The following RPTOR variants were observed in gnomAD, a reference collection of about 807,000 sequenced individuals.
RPTOR encodes regulatory associated protein of MTOR complex 1, also known as regulatory-associated protein of mTOR.
Under a neutral mutation model 169.9 loss-of-function variants are expected in RPTOR, and 21 were observed. That is an observed-to-expected ratio of 0.12 (90% CI 0.09 to 0.18). RPTOR has a LOEUF of 0.18. RPTOR is among the 10% of genes least tolerant of loss of function. The pLI is 1.00. For missense variants in RPTOR, 1,133 were observed against 1,855.9 expected (o/e 0.61, Z 7.16); for synonymous variants, 732 against 753.2 (o/e 0.97, Z 0.46).
intron 5 of RPTOR, among the ~76,000 whole-genome samples, chr17:80,731,232 A>G (rs547803766): frequency 6.6e-6 from 1 of 152,156 alleles, no homozygotes; most frequent in Non-Finnish European, 1.5e-5. Flanking sequence ...GTCATTTTTA[A>G]TCCAAACATT....
At chr17:80,738,103 G>A (rs555996636) in intron 5 of RPTOR, among the ~76,000 whole-genome samples, 1 of 152,326 alleles carries the variant, frequency 6.6e-6, no homozygotes, top group South Asian at 2.1e-4. Flanking sequence ...AGAAATGGGG[G>A]GAAACACAGG....
At chr17:80,938,885 G>A (rs2068987983) in intron 24 of RPTOR, among the ~76,000 whole-genome samples, 1 of 152,210 alleles carries the variant, frequency 6.6e-6, no homozygotes, top group South Asian at 2.1e-4. Flanking sequence ...TGCTCTGTAA[G>A]CATTTGCACA....
chr17:80,769,330 A>G (rs1488753562), intron 6 of RPTOR, among the ~76,000 whole-genome samples: 1 of 152,236 alleles, frequency 6.6e-6, no homozygotes, highest in Non-Finnish European at 1.5e-5. Flanking sequence ...TACATAGAAC[A>G]ATTTAAACTG....
In RPTOR at chr17:80,750,311, C is replaced by T. The variant is rs139555842; in HGVS notation, c.655-3699C>T. Among the ~76,000 whole-genome samples, 227 of 152,336 alleles carry T rather than the reference C, an allele frequency of 1.5e-3. 2 individuals are homozygous for T. Among genetic ancestry groups the T allele is most frequent in the African/African-American group, 5.4e-3 (224 of 41,568 alleles). On this transcript the variant is annotated intron_variant, in intron 5 of 33. Coordinates refer to ENST00000306801, the MANE Select transcript of RPTOR (RefSeq NM_020761.3). ...TTAAAGTTGTTTCCTTTTTAATCCTCTGCCAGCCATTCTTACGTGGCCAGT... is the reference window on the plus strand; with the variant it reads ...TTAAAGTTGTTTCCTTTTTAATCCTTTGCCAGCCATTCTTACGTGGCCAGT...
chr17:80,826,611 C>T (rs1477092414), intron 9 of RPTOR, among the ~76,000 whole-genome samples: 1 of 152,250 alleles, frequency 6.6e-6, no homozygotes, highest in Non-Finnish European at 1.5e-5. Flanking sequence ...AGGGAAGCAC[C>T]GCCCTGGCCT....
chr17:80,912,057 C>T (rs1044172066), intron 21 of RPTOR, among the ~76,000 whole-genome samples: 1 of 152,160 alleles, frequency 6.6e-6, no homozygotes, highest in Admixed American at 6.5e-5. Context: ...CTTACCACTG[C>T]CCTTTTAGAC....
chr17:80,765,560 C>CT (rs2066777881), intron 6 of RPTOR, among the ~76,000 whole-genome samples: 1 of 152,178 alleles, frequency 6.6e-6, no homozygotes, highest in South Asian at 2.1e-4. Flanking sequence ...GTTAGTGCTG[C>CT]TTTCAGGATG....
At position 80,901,065 on chromosome 17, in the gene RPTOR, C is replaced by G. The variant is rs918827464; in HGVS notation, c.2401+7200C>G. 3.9e-5 allele frequency among the ~76,000 whole-genome samples: 6 copies of G among 152,344 alleles called. No homozygotes were observed. The East Asian group carries it at 1.2e-3, about 29-fold the overall frequency. On this transcript the variant is annotated intron_variant, in intron 20 of 33. Coordinates refer to ENST00000306801, the MANE Select transcript of RPTOR (RefSeq NM_020761.3). ...TGCTGTTTGCTGTGCGCGTGCCATG[C>G]CTGAGGCCCTGGGTGCTGTCCACAG...
At chr17:80,781,553 TA>T (rs975055301) in intron 6 of RPTOR, among the ~76,000 whole-genome samples, 10 of 152,196 alleles carry the variant, frequency 6.6e-5, no homozygotes, top group Non-Finnish European at 1.2e-4. Context: ...TGGATATTTT[TA>T]AGAGTACATT....
intron 6 of RPTOR, among the ~76,000 whole-genome samples, chr17:80,786,425 C>G (rs1373357513): frequency 6.6e-6 from 1 of 152,020 alleles, no homozygotes; most frequent in Non-Finnish European, 1.5e-5. Flanking sequence ...GACAAGGTTA[C>G]CGAGCTGAAC....
Position 80,846,464 on chromosome 17 carries a change from G to T in RPTOR, c.1213-9G>T, listed in dbSNP as rs762894161. 16 of 1,613,300 alleles carry T rather than the reference G, an allele frequency of 9.9e-6. No individual in the cohort carries two copies. The East Asian group carries it at 1.6e-4, about 16-fold the overall frequency. On this transcript the variant is annotated splice_polypyrimidine_tract_variant and intron_variant, in intron 10 of 33. Coordinates refer to ENST00000306801, the MANE Select transcript of RPTOR (RefSeq NM_020761.3). ...GCCCTAACAAGCACCTGTTCTGCTT[G>T]CCCCGCAGCACAGCCCGTTCTTCGC...
chr17:80,792,987 T>TA (rs1210947554), intron 7 of RPTOR, among the ~76,000 whole-genome samples: 3 of 151,016 alleles, frequency 2.0e-5, no homozygotes, highest in East Asian at 1.9e-4. Context: ...TTTAATGAAT[T>TA]AAAAAAAAAT....
At chr17:80,710,759 A>G (rs2066183440) in intron 4 of RPTOR, among the ~76,000 whole-genome samples, 1 of 152,202 alleles carries the variant, frequency 6.6e-6, no homozygotes, top group Non-Finnish European at 1.5e-5. Context: ...TTCAGTTTGC[A>G]GCCATTTTGT....
intron 5 of RPTOR, among the ~76,000 whole-genome samples, chr17:80,753,124 T>C (rs2143329196): frequency 6.6e-6 from 1 of 152,304 alleles, no homozygotes; most frequent in African/African-American, 2.4e-5. Context: ...AGAAATCCGA[T>C]GAAGATGGGA....
In RPTOR at chr17:80,644,204, A is replaced by G. The variant is rs560702044; in HGVS notation, c.348+394A>G. 4.6e-5 allele frequency among the ~76,000 whole-genome samples: 7 copies of G among 152,298 alleles called. No individual in the cohort carries two copies. In the East Asian group the frequency reaches 1.2e-3, roughly 25 times the overall value. Reference sequence around the variant, plus strand: ...TGTCTTCAGTTTTCACATAGTTGAGAAAAAAACACCCAACAGTCAAAAGAT... The same window carrying G: ...TGTCTTCAGTTTTCACATAGTTGAGGAAAAAACACCCAACAGTCAAAAGAT... On this transcript the variant is annotated intron_variant, in intron 3 of 33. Coordinates refer to ENST00000306801, the MANE Select transcript of RPTOR (RefSeq NM_020761.3).
chr17:80,678,568 A>G (rs2065876186), intron 3 of RPTOR, among the ~76,000 whole-genome samples: 1 of 152,272 alleles, frequency 6.6e-6, no homozygotes. Flanking sequence ...AACATTGCTG[A>G]ATATCTAAAA....
At chr17:80,801,196 G>A (rs1309362609) in intron 7 of RPTOR, among the ~76,000 whole-genome samples, 1 of 152,206 alleles carries the variant, frequency 6.6e-6, no homozygotes, top group Non-Finnish European at 1.5e-5. Context: ...GTGCTTCCTG[G>A]GGAATGATAG....
At chr17:80,793,969 TC>T (rs1325744497) in intron 7 of RPTOR, among the ~76,000 whole-genome samples, 1 of 152,212 alleles carries the variant, frequency 6.6e-6, no homozygotes, top group Non-Finnish European at 1.5e-5. Context: ...ACGGAGGTTT[TC>T]CCTTGAACAA....
At chr17:80,548,371 G>GTTTTT (rs34301408) in intron 1 of RPTOR, among the ~76,000 whole-genome samples, 3 of 63,438 alleles carry the variant, frequency 4.7e-5, no homozygotes, top group Non-Finnish European at 8.9e-5. Context: ...GCCTGGGGTG[G>GTTTTT]TTTTTTTTTT....
Sources: gnomAD v4.1 joint callset for allele counts (sites outside exome capture counted in the v4.1 genomes callset) on GRCh38, gnomAD v4.1.1 for gene constraint, MANE v1.5 for transcripts, NCBI Gene and HGNC (gene_info 2026-07-23, HGNC 2026-07-21) for gene names.